RGS6: variants seen among roughly 807,000 people sequenced by gnomAD.
RGS6 encodes the protein regulator of G-protein signaling 6.
RGS6 carries 30 observed loss-of-function variants against 78.5 expected under a neutral mutation model. The observed-to-expected ratio is 0.38, with a 90% CI of 0.29 to 0.52. The LOEUF (loss-of-function observed/expected upper bound fraction) is 0.52. RGS6 is among the 20% of genes least tolerant of loss of function. The pLI is 0.85. For missense variants in RGS6, 495 were observed against 609.7 expected, an observed-to-expected ratio of 0.81 and a Z score of 1.98; for synonymous variants, 206 against 206.0, an observed-to-expected ratio of 1.00 and a Z score of 0.00.
intron 2 of RGS6, among the ~76,000 whole-genome samples, chr14:72,131,856 A>G (rs2096325535): frequency 6.6e-6 from 1 of 152,230 alleles, no homozygotes; most frequent in African/African-American, 2.4e-5. Flanking sequence ...ATTAATTTAG[A>G]ATGCTTACTA....
At chr14:71,902,378 AAAGC>A in the RGS6 span, among the ~76,000 whole-genome samples, 1 of 152,204 alleles carries the variant, frequency 6.6e-6, no homozygotes, top group Non-Finnish European at 1.5e-5. Flanking sequence ...GCTTAAAGAA[AAAGC>A]AAAACCTTTT....
At chr14:72,541,454 C>T in intron 17 of RGS6, 2 of 1,534,988 alleles carry the variant, frequency 1.3e-6, no homozygotes, top group Non-Finnish European at 1.7e-6. Context: ...TGTGGCCTTT[C>T]CTCATGAGAA....
At chr14:72,472,115 A>G (rs550019962) in intron 8 of RGS6, among the ~76,000 whole-genome samples, 1 of 152,076 alleles carries the variant, frequency 6.6e-6, no homozygotes, top group African/African-American at 2.4e-5. Flanking sequence ...GTTACACGGC[A>G]ATTAATCTGA....
At chr14:72,301,439 G>C (rs554226644) in intron 2 of RGS6, among the ~76,000 whole-genome samples, 1 of 151,404 alleles carries the variant, frequency 6.6e-6, no homozygotes, top group South Asian at 2.1e-4. Context: ...TTTTTTAGTT[G>C]ATAGAGTCAT....
chr14:72,198,485 T>C (rs1357636494), intron 2 of RGS6, among the ~76,000 whole-genome samples: 1 of 152,274 alleles, frequency 6.6e-6, no homozygotes, highest in Non-Finnish European at 1.5e-5. Flanking sequence ...TGTACTATTC[T>C]ATTGCTCTGA....
At chr14:72,303,784 C>T (rs1595557755) in intron 2 of RGS6, among the ~76,000 whole-genome samples, 1 of 152,168 alleles carries the variant, frequency 6.6e-6, no homozygotes, top group Admixed American at 6.5e-5. Context: ...ATATTAGCAT[C>T]CATATGCTAC....
intron 2 of RGS6, among the ~76,000 whole-genome samples, chr14:72,039,812 G>GTTTT (rs1555447720): frequency 9.3e-5 from 2 of 21,478 alleles, no homozygotes; most frequent in African/African-American, 3.6e-4. Flanking sequence ...GTGTTTCATT[G>GTTTT]ATTTTTTTTT....
At chr14:72,459,566 C>CTGGGTG in intron 5 of RGS6, 66 bp from the exon 6 acceptor site, 1 of 1,531,264 alleles carries the variant, frequency 6.5e-7, no homozygotes, top group Non-Finnish European at 9.0e-7. Context: ...AGGCTCCTCC[C>CTGGGTG]TGGGTGTGGG....
chr14:71,968,626 C>T (rs113416231), intron 2 of RGS6, among the ~76,000 whole-genome samples: 175 of 152,226 alleles, frequency 1.1e-3, no homozygotes, highest in African/African-American at 3.9e-3. Flanking sequence ...TAATGGTGTC[C>T]AGGGAGCCTG....
intron 2 of RGS6, among the ~76,000 whole-genome samples, chr14:72,301,230 C>G (rs1042986857): frequency 2.0e-5 from 3 of 152,114 alleles, no homozygotes; most frequent in African/African-American, 7.2e-5. Flanking sequence ...CAATCCTTGA[C>G]CAATGTAAAT....
chr14:71,942,990 C>T (rs1402966466), intron 1 of RGS6, among the ~76,000 whole-genome samples: 1 of 152,158 alleles, frequency 6.6e-6, no homozygotes, highest in African/African-American at 2.4e-5. Flanking sequence ...GTAGAGTTCA[C>T]TCATTCACTA....
At chr14:72,340,219 G>C (rs140644767) in intron 2 of RGS6, among the ~76,000 whole-genome samples, 3 of 152,114 alleles carry the variant, frequency 2.0e-5, no homozygotes, top group African/African-American at 7.2e-5. Flanking sequence ...ATTTATCTCA[G>C]TATCCCTCCC....
At chr14:72,021,663 G>A (rs2088597915) in intron 2 of RGS6, among the ~76,000 whole-genome samples, 1 of 151,412 alleles carries the variant, frequency 6.6e-6, no homozygotes, top group Non-Finnish European at 1.5e-5. Flanking sequence ...ATAGAGACGG[G>A]GTTTCACCAT....
the RGS6 span, chr14:72,612,608 CAGG>C: frequency 1.9e-6 from 1 of 518,784 alleles, no homozygotes; most frequent in Non-Finnish European, 3.8e-6. Context: ...AGGGAGAGGG[CAGG>C]AGGAGAATCA....
intron 17 of RGS6, among the ~76,000 whole-genome samples, chr14:72,559,224 C>T (rs888941410): frequency 6.6e-6 from 1 of 152,202 alleles, no homozygotes; most frequent in Non-Finnish European, 1.5e-5. Flanking sequence ...TCCTCGGGAG[C>T]TTCCTGCAAG....
intron 4 of RGS6, among the ~76,000 whole-genome samples, chr14:72,457,084 TAAA>T (rs747066432): frequency 6.1e-5 from 5 of 82,138 alleles, no homozygotes; most frequent in African/African-American, 5.1e-5. Flanking sequence ...GACCTGTCTC[TAAA>T]AAAAAAAAAA....
chr14:71,981,179 GT>G (rs1490355356), intron 2 of RGS6, among the ~76,000 whole-genome samples: 1 of 149,410 alleles, frequency 6.7e-6, no homozygotes, highest in African/African-American at 2.4e-5. Flanking sequence ...TTTTTTCAAA[GT>G]TTTCAACTTC....
intron 2 of RGS6, among the ~76,000 whole-genome samples, chr14:72,146,080 C>T (rs1177922847): frequency 6.6e-6 from 1 of 152,144 alleles, no homozygotes; most frequent in Non-Finnish European, 1.5e-5. Context: ...CCTTCTTGCT[C>T]TATCATCTCA....
In RGS6 at chr14:72,454,392, A is replaced by C. The variant is rs911269951; in HGVS notation, c.185-136A>C. The C allele has an allele frequency of 8.7e-6, 7 of 802,546 alleles. No homozygotes were observed. The Admixed American group carries it at 1.4e-4, about 16-fold the overall frequency. The allele number at this position is 802,546 out of a possible 1,614,324, so 49.7% of individuals were successfully genotyped here. A position where few individuals can be genotyped will look rare whatever the true frequency, so the allele number is the denominator to read the frequency against. On this transcript the variant is annotated intron_variant, in intron 3 of 17. Transcript: ENST00000553525. ...AAGAATGGAAAGGGTTGGTTAGGAC[A>C]AAAAAAAGTGCCCATATTATCCTGC...
Sources: allele counts gnomAD v4.1 joint callset (sites outside exome capture counted in the v4.1 genomes callset), GRCh38; gene constraint gnomAD v4.1.1; transcripts MANE v1.5; gene names NCBI Gene and HGNC (gene_info 2026-07-23, HGNC 2026-07-21).